Variants in KCNH7 observed in about 807,000 individuals in gnomAD.
KCNH7 encodes the protein potassium voltage-gated channel subfamily H member 7.
A neutral mutation model predicts 120.8 loss-of-function variants in KCNH7; 49 were observed. The observed-to-expected ratio is 0.41, with a 90% CI of 0.32 to 0.51. KCNH7 has a LOEUF of 0.51. Ranked by LOEUF, KCNH7 falls within the 20% of genes least tolerant of loss-of-function variation. KCNH7 has a pLI of 0.38. For missense variants in KCNH7, 1,097 were observed against 1,446.6 expected, an observed-to-expected ratio of 0.76 and a Z score of 3.92; for synonymous variants, 547 against 516.1, an observed-to-expected ratio of 1.06 and a Z score of -0.81.
rs77039281 is a variant in KCNH7 at position 162,447,977 on chromosome 2, C to T, written c.1129-1534G>A. Among the ~76,000 whole-genome samples the T allele has an allele frequency of 2.6e-3, 402 of 152,166 alleles. 2 individuals are homozygous for T. Among genetic ancestry groups the T allele is most frequent in the Non-Finnish European group, 4.7e-3 (321 of 67,986 alleles). ...AAAAATAATAAAGAATCTGACCTGA[C>T]CACTTAATCAGTCCACTGTAAATTT... On this transcript the variant is annotated intron_variant, in intron 6 of 15. Transcript: ENST00000332142.
intron 6 of KCNH7, among the ~76,000 whole-genome samples, chr2:162,452,585 T>C (rs899819440): frequency 5.9e-5 from 9 of 152,044 alleles, no homozygotes; most frequent in Non-Finnish European, 8.8e-5. Flanking sequence ...GGGAAAATCA[T>C]GTTCCAAGAT....
intron 2 of KCNH7, among the ~76,000 whole-genome samples, chr2:162,553,937 A>G (rs894754976): frequency 1.3e-5 from 2 of 152,244 alleles, no homozygotes; most frequent in Admixed American, 6.5e-5. Flanking sequence ...CAATAAAATG[A>G]CTAAATAGAA....
chr2:162,550,449 T>C (rs1290993246), intron 2 of KCNH7, among the ~76,000 whole-genome samples: 6 of 152,164 alleles, frequency 3.9e-5, no homozygotes, highest in South Asian at 2.1e-4. Context: ...GGAGTATTTA[T>C]TCCCCAGATT....
chr2:162,827,458 G>A (rs1163175327), intron 2 of KCNH7, among the ~76,000 whole-genome samples: 1 of 152,026 alleles, frequency 6.6e-6, no homozygotes, highest in Non-Finnish European at 1.5e-5. Flanking sequence ...AAAAGAGAAT[G>A]CCATTTAAAA....
At chr2:162,814,510 T>A (rs1385855621) in intron 2 of KCNH7, among the ~76,000 whole-genome samples, 5 of 152,226 alleles carry the variant, frequency 3.3e-5, no homozygotes, top group Non-Finnish European at 5.9e-5. Flanking sequence ...CAAAGACTTG[T>A]TATCTACAGA....
At chr2:162,686,976 G>A (rs923181517) in intron 2 of KCNH7, among the ~76,000 whole-genome samples, 18 of 152,122 alleles carry the variant, frequency 1.2e-4, no homozygotes, top group African/African-American at 4.3e-4. Flanking sequence ...AAGAGGAGTT[G>A]TGGCTGCTAA....
chr2:162,716,816 T>C (rs1322684746), intron 2 of KCNH7, among the ~76,000 whole-genome samples: 1 of 152,156 alleles, frequency 6.6e-6, no homozygotes, highest in Non-Finnish European at 1.5e-5. Context: ...TCACTGGAAA[T>C]AGTTCAATTC....
intron 2 of KCNH7, among the ~76,000 whole-genome samples, chr2:162,661,515 TAGA>T (rs1356557163): frequency 6.6e-6 from 1 of 152,212 alleles, no homozygotes; most frequent in Non-Finnish European, 1.5e-5. Context: ...TTGTATGTAA[TAGA>T]AGATTATTTA....
chr2:162,546,374 T>C (rs1692477422), intron 2 of KCNH7, among the ~76,000 whole-genome samples: 1 of 152,180 alleles, frequency 6.6e-6, no homozygotes, highest in South Asian at 2.1e-4. Flanking sequence ...TCACCAGACA[T>C]ATTTATGTTA....
intron 2 of KCNH7, among the ~76,000 whole-genome samples, chr2:162,701,788 C>T (rs1686511169): frequency 6.6e-6 from 1 of 152,118 alleles, no homozygotes; most frequent in African/African-American, 2.4e-5. Context: ...GTGGGCTGAT[C>T]ACAAAGTCAA....
intron 2 of KCNH7, among the ~76,000 whole-genome samples, chr2:162,824,976 A>ATAAGAAATATTGAAATATG (rs1252765008): frequency 6.6e-6 from 1 of 152,056 alleles, no homozygotes; most frequent in Non-Finnish European, 1.5e-5. Context: ...TAGATAATAA[A>ATAAGAAATATTGAAATATG]TAAGAAATAT....
intron 6 of KCNH7, among the ~76,000 whole-genome samples, chr2:162,493,934 T>C (rs1036521908): frequency 6.6e-6 from 1 of 152,288 alleles, no homozygotes; most frequent in South Asian, 2.1e-4. Flanking sequence ...TGTGAACATA[T>C]TGACCAACTT....
intron 2 of KCNH7, among the ~76,000 whole-genome samples, chr2:162,748,930 CCTT>C (rs1267757249): frequency 4.6e-5 from 2 of 43,712 alleles, no homozygotes; most frequent in African/African-American, 4.1e-4. Flanking sequence ...CCTTTCCTTT[CCTT>C]CCTTCCTTCC....
At chr2:162,628,264 C>T (rs1683628255) in intron 2 of KCNH7, among the ~76,000 whole-genome samples, 1 of 152,034 alleles carries the variant, frequency 6.6e-6, no homozygotes, top group African/African-American at 2.4e-5. Flanking sequence ...ATCCATAGAA[C>T]AAGGAAATTT....
chr2:162,674,305 C>G (rs1478458224), intron 2 of KCNH7, among the ~76,000 whole-genome samples: 1 of 151,550 alleles, frequency 6.6e-6, no homozygotes, highest in Non-Finnish European at 1.5e-5. Flanking sequence ...ACGTGTGAAA[C>G]CTTTACGGGA....
At chr2:162,680,583 C>A (rs2105311598) in intron 2 of KCNH7, among the ~76,000 whole-genome samples, 1 of 151,764 alleles carries the variant, frequency 6.6e-6, no homozygotes, top group East Asian at 1.9e-4. Flanking sequence ...CAGCAGTGAA[C>A]AAGACACATC....
chr2:162,653,177 T>C (rs1335888250), intron 2 of KCNH7, among the ~76,000 whole-genome samples: 1 of 152,222 alleles, frequency 6.6e-6, no homozygotes, highest in Non-Finnish European at 1.5e-5. Context: ...TTTATACAGA[T>C]ACTGTGATGA....
intron 2 of KCNH7, among the ~76,000 whole-genome samples, chr2:162,738,798 AC>A (rs1688010696): frequency 6.6e-6 from 1 of 152,228 alleles, no homozygotes. Context: ...AGCATTTAAT[AC>A]ATTGTAATTG....
At chr2:162,605,116 A>G (rs1037599432) in intron 2 of KCNH7, among the ~76,000 whole-genome samples, 6 of 152,140 alleles carry the variant, frequency 3.9e-5, no homozygotes, top group African/African-American at 1.4e-4. Context: ...ACAGAAAAAT[A>G]TCTACTCTTA....
Sources: gnomAD v4.1 joint callset for allele counts (sites outside exome capture counted in the v4.1 genomes callset) on GRCh38, gnomAD v4.1.1 for gene constraint, MANE v1.5 for transcripts, NCBI Gene and HGNC (gene_info 2026-07-23, HGNC 2026-07-21) for gene names.